The following GABRA5 variants were observed in gnomAD, a reference collection of about 807,000 sequenced individuals.
The protein encoded by GABRA5 is gamma-aminobutyric acid type A receptor subunit alpha5.
Under a neutral mutation model 47.3 loss-of-function variants are expected in GABRA5, and 18 were observed. The ratio of observed to expected loss-of-function variants is 0.38; its 90% CI spans 0.26 to 0.56. GABRA5 has a LOEUF of 0.56. Ranked by LOEUF, GABRA5 falls within the 20% of genes least tolerant of loss-of-function variation. The pLI is 0.71. For missense variants in GABRA5, 365 were observed against 599.3 expected, an observed-to-expected ratio of 0.61 and a Z score of 4.08; for synonymous variants, 237 against 229.3, an observed-to-expected ratio of 1.03 and a Z score of -0.30.
chr15:26,907,603 C>T (rs1022805589), intron 6 of GABRA5, among the ~76,000 whole-genome samples: 4 of 152,118 alleles, frequency 2.6e-5, no homozygotes, highest in Non-Finnish European at 5.9e-5. Flanking sequence ...TTGTCTGGAT[C>T]AAACACAACT....
chr15:26,919,206 G>A (rs915344514), intron 7 of GABRA5, among the ~76,000 whole-genome samples: 1 of 152,098 alleles, frequency 6.6e-6, no homozygotes, highest in Non-Finnish European at 1.5e-5. Context: ...AAACTCTCTT[G>A]TGTCTTTTGA....
At chr15:26,947,632 T>C (rs1256372837) in intron 10 of GABRA5, among the ~76,000 whole-genome samples, 1 of 152,220 alleles carries the variant, frequency 6.6e-6, no homozygotes, top group African/African-American at 2.4e-5. Flanking sequence ...TTTAGGTTGA[T>C]TCCATGTCTT....
At chr15:26,899,239 ATTTGTGAAAGTTTCAAT>A (rs1490230478) in intron 6 of GABRA5, among the ~76,000 whole-genome samples, 1 of 152,166 alleles carries the variant, frequency 6.6e-6, no homozygotes, top group African/African-American at 2.4e-5. Flanking sequence ...ATTTCCACAT[ATTTGTGAAAGTTTCAAT>A]TTTCCTTCTG....
chr15:26,887,221 T>C (rs1892900422), intron 6 of GABRA5, among the ~76,000 whole-genome samples: 2 of 152,262 alleles, frequency 1.3e-5, no homozygotes, highest in South Asian at 4.1e-4. Flanking sequence ...TAAAATTTGG[T>C]AAATTTTTCA....
intron 3 of GABRA5, among the ~76,000 whole-genome samples, chr15:26,875,604 G>A (rs2053163911): frequency 6.6e-6 from 1 of 152,210 alleles, no homozygotes; most frequent in Non-Finnish European, 1.5e-5. Context: ...TGAACTGGCA[G>A]GAGGAATGGC....
At chr15:26,895,944 G>C (rs1330698408) in intron 6 of GABRA5, among the ~76,000 whole-genome samples, 1 of 151,950 alleles carries the variant, frequency 6.6e-6, no homozygotes, top group Admixed American at 6.5e-5. Context: ...GTCTCCCCGA[G>C]AGCTGGACCA....
chr15:26,908,103 T>C (rs1486266343), intron 6 of GABRA5, among the ~76,000 whole-genome samples: 2 of 152,206 alleles, frequency 1.3e-5, no homozygotes, highest in African/African-American at 2.4e-5. Context: ...TATATATGTA[T>C]GTATGTATTT....
chr15:26,879,656 G>C (rs1185743612), intron 3 of GABRA5, among the ~76,000 whole-genome samples: 1 of 152,172 alleles, frequency 6.6e-6, no homozygotes, highest in East Asian at 1.9e-4. Flanking sequence ...TGATCTGTTA[G>C]ATGCAATCAA....
At chr15:26,869,044 C>T in intron 2 of GABRA5, 131 bp from the exon 3 acceptor site, 2 of 528,164 alleles carry the variant, frequency 3.8e-6, no homozygotes, top group Non-Finnish European at 6.8e-6. Flanking sequence ...ACCTGGTGTG[C>T]AGCTGTCCTG....
At chr15:26,917,739 C>G (rs1048815042) in intron 7 of GABRA5, among the ~76,000 whole-genome samples, 5 of 151,974 alleles carry the variant, frequency 3.3e-5, no homozygotes, top group Admixed American at 3.3e-4. Context: ...AACTTCCTTA[C>G]TAGTTATTGA....
intron 2 of GABRA5, 92 bp from the exon 3 acceptor site, chr15:26,869,083 A>G (rs551951359): frequency 3.4e-6 from 2 of 587,632 alleles, no homozygotes; most frequent in East Asian, 5.5e-5. Flanking sequence ...CTTTCTTTGC[A>G]AATTGTTGTG....
chr15:26,912,920 C>T (rs1215273045), intron 6 of GABRA5, among the ~76,000 whole-genome samples: 1 of 152,192 alleles, frequency 6.6e-6, no homozygotes. Flanking sequence ...CAGTGGCTCA[C>T]GCCTGTAATC....
At chr15:26,946,245 A>G (rs979782543) in intron 10 of GABRA5, among the ~76,000 whole-genome samples, 2 of 152,158 alleles carry the variant, frequency 1.3e-5, no homozygotes, top group Non-Finnish European at 2.9e-5. Flanking sequence ...TAATGAGACT[A>G]TATTACTTTA....
intron 8 of GABRA5, among the ~76,000 whole-genome samples, chr15:26,937,637 C>A (rs1479948137): frequency 1.3e-5 from 2 of 152,210 alleles, no homozygotes; most frequent in Admixed American, 1.3e-4. Context: ...CTACAAATAC[C>A]CCAGTTACCT....
Position 26,883,239 on chromosome 15 carries a change from T to A in GABRA5, c.276+6T>A. The A allele has an allele frequency of 6.2e-7, 1 of 1,613,692 alleles. No homozygotes were observed. Among genetic ancestry groups the A allele is most frequent in the Non-Finnish European group, 8.5e-7 (1 of 1,179,676 alleles). On this transcript the variant is annotated splice_donor_region_variant and intron_variant, in intron 5 of 10. Transcript: ENST00000335625. This position sits in a 1 kb window ranked among gnomAD's most constrained non-coding sequence, Gnocchi z 4.8. ...CGGTGTCCGACACGGAAATGGTAGG[T>A]CCCGGGGCATGGCTGGGCAGACAAT...
At chr15:26,945,247 C>A (rs1894483531) in intron 10 of GABRA5, among the ~76,000 whole-genome samples, 1 of 152,210 alleles carries the variant, frequency 6.6e-6, no homozygotes, top group East Asian at 1.9e-4. Flanking sequence ...ATGCAGGCCT[C>A]ACACCCCGCG....
chr15:26,908,580 C>T (rs1893502419), intron 6 of GABRA5, among the ~76,000 whole-genome samples: 2 of 152,214 alleles, frequency 1.3e-5, no homozygotes, highest in African/African-American at 4.8e-5. Flanking sequence ...GTGTTTTTTA[C>T]AAGGCCTCTC....
At position 26,937,309 on chromosome 15, in the gene GABRA5, G is replaced by A; in HGVS notation, c.705G>A (p.Glu235=). Residue 235 remains glutamate, a synonymous_variant, in exon 8 of 11, where the codon GAG becomes GAA. Transcript: ENST00000335625. ...TGATGGGGCAGACGGTGGGCACTGA[G>A]AACATCAGCACCAGCACAGGTGAGG... is the stretch of plus-strand genomic sequence containing the variant. ...YHLMGQTVGT[E]NISTSTGEYT... 1 of 1,612,666 alleles carries A rather than the reference G, an allele frequency of 6.2e-7. No individual in the cohort carries two copies. The highest frequency in any genetic ancestry group is 8.5e-7 in the Non-Finnish European group (1 of 1,179,206).
intron 3 of GABRA5, chr15:26,877,647 G>A (rs761928730): frequency 9.4e-5 from 43 of 455,258 alleles, no homozygotes; most frequent in Non-Finnish European, 1.5e-4. Context: ...TGACAATACC[G>A]AAAAGATTTT....
Sources: gnomAD v4.1 joint callset for allele counts (sites outside exome capture counted in the v4.1 genomes callset) on GRCh38, gnomAD v4.1.1 for gene constraint, Gnocchi (gnomAD v3.1) non-coding constraint, MANE v1.5 for transcripts, NCBI Gene and HGNC (gene_info 2026-07-23, HGNC 2026-07-21) for gene names.